AGK: variants seen among roughly 807,000 people sequenced by gnomAD.
The protein encoded by AGK is acylglycerol kinase, mitochondrial.
Under a neutral mutation model 66.4 loss-of-function variants are expected in AGK, and 52 were observed. The observed-to-expected ratio is 0.78, with a 90% CI of 0.63 to 0.99. The LOEUF is 0.99. Ranked by LOEUF, AGK falls within the 50% of genes least tolerant of loss-of-function variation. The pLI is 0.00. For synonymous variants in AGK, 182 were observed against 181.1 expected (o/e 1.00, Z -0.04); for missense variants, 451 against 506.6 (o/e 0.89, Z 1.05).
chr7:141,570,414 G>A (rs1795574521), intron 2 of AGK, among the ~76,000 whole-genome samples: 1 of 152,100 alleles, frequency 6.6e-6, no homozygotes, highest in South Asian at 2.1e-4. Flanking sequence ...TATTAGAGAT[G>A]TATAAGGCAC....
At chr7:141,617,320 G>A (rs1796728866) in intron 8 of AGK, among the ~76,000 whole-genome samples, 2 of 152,170 alleles carry the variant, frequency 1.3e-5, no homozygotes, top group South Asian at 4.1e-4. Context: ...AGAGTCTTCA[G>A]TTTGGGGGAA....
In AGK at chr7:141,555,653, G is replaced by A. The variant is rs764192195; in HGVS notation, c.101+86G>A. 5 of 946,162 alleles carry A rather than the reference G, an allele frequency of 5.3e-6. No homozygotes were observed. The highest frequency in any genetic ancestry group is 8.2e-6 in the Non-Finnish European group (5 of 612,026). 58.6% of individuals were successfully genotyped at this position (946,162 alleles called of 1,614,324 possible). A position where few individuals can be genotyped will look rare whatever the true frequency, so the allele number is the denominator to read the frequency against. On this transcript the variant is annotated intron_variant, in intron 2 of 15. Coordinates refer to ENST00000649286, the MANE Select transcript of AGK (RefSeq NM_018238.4). The surrounding 1 kb of genome is among the most constrained non-coding windows in gnomAD (Gnocchi z 4.2). ...TCAGGTTAAAATCTTGCTCAGCTGT[G>A]CTTATCCCTATAAAACATGTGGTGT...
intron 5 of AGK, among the ~76,000 whole-genome samples, chr7:141,604,914 A>T (rs1056550101): frequency 6.6e-6 from 1 of 152,058 alleles, no homozygotes; most frequent in Admixed American, 6.5e-5. Flanking sequence ...CTGGGATCAC[A>T]TATTGTATTT....
intron 8 of AGK, among the ~76,000 whole-genome samples, chr7:141,616,814 A>G (rs1796712923): frequency 6.9e-6 from 1 of 145,526 alleles, no homozygotes; most frequent in African/African-American, 2.6e-5. Flanking sequence ...GCTGGAGTGC[A>G]GTGGCGCGAA....
intron 2 of AGK, among the ~76,000 whole-genome samples, chr7:141,561,040 G>A (rs535415734): frequency 3.9e-5 from 6 of 152,216 alleles, no homozygotes; most frequent in East Asian, 3.9e-4. Flanking sequence ...TGATCCGCCC[G>A]CCTCGGCCTC....
chr7:141,575,410 A>G (rs572537426), intron 2 of AGK, among the ~76,000 whole-genome samples: 4 of 152,300 alleles, frequency 2.6e-5, no homozygotes, highest in Admixed American at 6.5e-5. Flanking sequence ...TACCAGAATC[A>G]CTTGGCACTT....
chr7:141,579,128 G>A (rs987897586), intron 2 of AGK, among the ~76,000 whole-genome samples: 2 of 152,038 alleles, frequency 1.3e-5, no homozygotes, highest in African/African-American at 4.8e-5. Flanking sequence ...ATAAAAAGGA[G>A]CATTCATACA....
At chr7:141,652,248 T>C (rs1797578469) in intron 15 of AGK, 1 of 154,490 alleles carries the variant, frequency 6.5e-6, no homozygotes, top group Non-Finnish European at 1.4e-5. Context: ...TCGATATAAA[T>C]ATTGAATTAA....
chr7:141,570,582 GC>G (rs1795580052), intron 2 of AGK, among the ~76,000 whole-genome samples: 1 of 151,348 alleles, frequency 6.6e-6, no homozygotes, highest in Admixed American at 6.6e-5. Context: ...CTGAGCTATA[GC>G]AGATATCAAT....
At chr7:141,650,005 C>T (rs1479205512) in intron 14 of AGK, among the ~76,000 whole-genome samples, 1 of 152,240 alleles carries the variant, frequency 6.6e-6, no homozygotes, top group Non-Finnish European at 1.5e-5. Flanking sequence ...TATAAATCCT[C>T]CTTCAGGGCA....
At chr7:141,637,746 CAG>C (rs1797204615) in intron 11 of AGK, among the ~76,000 whole-genome samples, 1 of 152,130 alleles carries the variant, frequency 6.6e-6, no homozygotes, top group African/African-American at 2.4e-5. Context: ...TGTTAATATT[CAG>C]AGTTATTGAA....
In AGK at chr7:141,593,127, C is replaced by A. The variant is rs1051035686; in HGVS notation, c.102-19C>A. ...ATCTATTAAAGCTAATGATTATTCT[C>A]TTTTGCTTACTTTGATAGTGATAAC... On this transcript the variant is annotated intron_variant, in intron 2 of 15. Transcript: ENST00000649286. 6.2e-7 allele frequency: 1 copy of A among 1,607,566 alleles called. No homozygotes were observed. Among genetic ancestry groups the A allele is most frequent in the Non-Finnish European group, 8.5e-7 (1 of 1,176,276 alleles).
At chr7:141,565,133 A>G (rs1014078378) in intron 2 of AGK, among the ~76,000 whole-genome samples, 2 of 152,084 alleles carry the variant, frequency 1.3e-5, no homozygotes, top group East Asian at 1.9e-4. Context: ...TGCATGATCT[A>G]ATCACTCATG....
chr7:141,594,423 C>T (rs1587105550), intron 3 of AGK, among the ~76,000 whole-genome samples: 1 of 152,086 alleles, frequency 6.6e-6, no homozygotes, highest in South Asian at 2.1e-4. Context: ...TCCATCTCAA[C>T]CTCGTGTTCC....
At chr7:141,652,149 C>A (rs997843909) in intron 15 of AGK, among the ~76,000 whole-genome samples, 1 of 152,138 alleles carries the variant, frequency 6.6e-6, no homozygotes, top group Non-Finnish European at 1.5e-5. Context: ...CTTCATATAG[C>A]CTTTGAAGAC....
chr7:141,580,004 C>T (rs371614017), intron 2 of AGK, among the ~76,000 whole-genome samples: 4 of 151,920 alleles, frequency 2.6e-5, no homozygotes, highest in African/African-American at 4.9e-5. Context: ...TGGGATCTGA[C>T]GCCTTTTGAC....
In AGK at chr7:141,551,858, G is replaced by A. The variant is rs1587048014; in HGVS notation, c.-15+424G>A. 2.6e-5 allele frequency among the ~76,000 whole-genome samples: 4 copies of A among 152,326 alleles called. No individual in the cohort carries two copies. In the South Asian group the frequency reaches 8.3e-4, roughly 32 times the overall value. ...CGCTTTACTAGGTTCTGGTGCTGCA[G>A]ATGGATAGACGAACTTGCCCATGAG... On this transcript the variant is annotated intron_variant, in intron 1 of 15. Transcript: ENST00000649286.
At chr7:141,651,665 C>A in intron 15 of AGK, 56 bp downstream of exon 15, 1 of 1,506,408 alleles carries the variant, frequency 6.6e-7, no homozygotes, top group Non-Finnish European at 9.2e-7. Flanking sequence ...CATCGGCCTG[C>A]CCCTCTGTGG....
intron 8 of AGK, among the ~76,000 whole-genome samples, chr7:141,618,616 T>C (rs928318234): frequency 5.9e-5 from 9 of 152,186 alleles, no homozygotes; most frequent in African/African-American, 2.2e-4. Context: ...ATTCTATTGC[T>C]AACTGCTTCA....
Sources: allele counts gnomAD v4.1 joint callset (sites outside exome capture counted in the v4.1 genomes callset), GRCh38; gene constraint gnomAD v4.1.1; non-coding constraint Gnocchi (gnomAD v3.1); transcripts MANE v1.5; gene names NCBI Gene and HGNC (gene_info 2026-07-23, HGNC 2026-07-21).